Variants in ACKR3 observed in about 807,000 individuals in gnomAD.
The protein encoded by ACKR3 is atypical chemokine receptor 3.
ACKR3 carries 6 observed loss-of-function variants against 22.4 expected under a neutral mutation model. The observed-to-expected ratio is 0.27, with a 90% CI of 0.15 to 0.53. The LOEUF (loss-of-function observed/expected upper bound fraction) is 0.53. ACKR3 is among the 20% of genes least tolerant of loss of function. The pLI, the probability that ACKR3 is intolerant of heterozygous loss-of-function variation, is 0.96. For missense variants in ACKR3, 396 were observed against 475.2 expected, an observed-to-expected ratio of 0.83 and a Z score of 1.55; for synonymous variants, 209 against 205.2, an observed-to-expected ratio of 1.02 and a Z score of -0.16.
the ACKR3 span, among the ~76,000 whole-genome samples, chr2:236,540,520 A>G: frequency 2.0e-5 from 3 of 152,216 alleles, no homozygotes; most frequent in South Asian, 6.2e-4. Context: ...GATTAACTCA[A>G]ATTTGTCATT....
the ACKR3 span, among the ~76,000 whole-genome samples, chr2:236,553,170 T>C: frequency 6.7e-6 from 1 of 149,918 alleles, no homozygotes; most frequent in Admixed American, 6.6e-5. Context: ...GGGGGGAGGG[T>C]GGGAGAGCAG....
chr2:236,561,794 A>C, the ACKR3 span, among the ~76,000 whole-genome samples: 1 of 152,210 alleles, frequency 6.6e-6, no homozygotes, highest in Non-Finnish European at 1.5e-5. Context: ...ACCTGGCCGC[A>C]TGACTGACTT....
chr2:236,581,293 C>G lies in ACKR3; in HGVS notation c.828C>G (p.Ile276Met). The G allele has an allele frequency of 6.2e-7, 1 of 1,614,062 alleles. No individual in the cohort carries two copies. Residue 276 changes from isoleucine (I) to methionine (M), a missense_variant, in exon 2 of 2, where the codon ATC becomes ATG. Transcript: ENST00000272928. The surrounding 1 kb of genome is among the most constrained non-coding windows in gnomAD (Gnocchi z 4.4). ...LPYHVAVLLD[I>M]FSILHYIPFT... ...ACCACGTGGCGGTGCTGCTGGACAT[C>G]TTCTCCATCCTGCACTACATCCCTT...
the ACKR3 span, among the ~76,000 whole-genome samples, chr2:236,543,941 G>A: frequency 7.3e-4 from 42 of 57,804 alleles, no homozygotes; most frequent in East Asian, 0.01. Flanking sequence ...TGGGAGAAGG[G>A]TATATATATA....
At chr2:236,572,410 G>A (rs927681930) in intron 1 of ACKR3, among the ~76,000 whole-genome samples, 2 of 152,328 alleles carry the variant, frequency 1.3e-5, no homozygotes, top group African/African-American at 2.4e-5. Flanking sequence ...GACAGATAAC[G>A]AGCCCAGGGC....
chr2:236,580,847 C>T lies in ACKR3; in HGVS notation c.382C>T (p.Leu128Phe). 1.9e-6 allele frequency: 3 copies of T among 1,614,230 alleles called. No homozygotes were observed. Among genetic ancestry groups the T allele is most frequent in the Non-Finnish European group, 2.5e-6 (3 of 1,180,042 alleles). Residue 128 changes from leucine to phenylalanine, a missense_variant, in exon 2 of 2, where the codon CTC (leucine) becomes TTC (phenylalanine). Coordinates refer to ENST00000272928, the MANE Select transcript of ACKR3 (RefSeq NM_020311.3). ...KVTHLIFSIN[L>F]FGSIFFLTCM... Reference sequence around the variant, plus strand: ...CACACACCTCATCTTCTCCATCAACCTCTTCGGCAGCATTTTCTTCCTCAC... The same window carrying T: ...CACACACCTCATCTTCTCCATCAACTTCTTCGGCAGCATTTTCTTCCTCAC...
At chr2:236,547,884 C>T in the ACKR3 span, among the ~76,000 whole-genome samples, 2 of 151,436 alleles carry the variant, frequency 1.3e-5, no homozygotes, top group Non-Finnish European at 1.5e-5. Flanking sequence ...TCTTCCAATG[C>T]CTTCTGCCTG....
chr2:236,548,296 C>T, the ACKR3 span, among the ~76,000 whole-genome samples: 90 of 152,074 alleles, frequency 5.9e-4, no homozygotes, highest in Non-Finnish European at 7.4e-4. The surrounding 1 kb of genome is among the most constrained non-coding windows in gnomAD (Gnocchi z 4.3). Context: ...GTTGAGAATG[C>T]CTCTCCCAGA....
In ACKR3 at chr2:236,581,762, CAGAGCTGTGTCGCACAGCA is replaced by C; in HGVS notation, c.*209_*227del. On this transcript the variant is annotated 3_prime_UTR_variant, in exon 2 of 2. Coordinates refer to ENST00000272928, the MANE Select transcript of ACKR3 (RefSeq NM_020311.3). The surrounding 1 kb of genome is among the most constrained non-coding windows in gnomAD (Gnocchi z 4.4). ...TGCGTGCTGACAGTTTTGCAACAGG[CAGAGCTGTGTCGCACAGCA>C]GTGCTGTGCGTCAGAGCCAGCTGAG... is the stretch of plus-strand genomic sequence containing the variant. 1.6e-6 allele frequency: 1 copy of C among 625,072 alleles called. No homozygotes were observed. Among genetic ancestry groups the C allele is most frequent in the Non-Finnish European group, 2.7e-6 (1 of 368,990 alleles). The allele number at this position is 625,072 out of a possible 1,614,324, so 38.7% of individuals were successfully genotyped here.
upstream of ACKR3, among the ~76,000 whole-genome samples, chr2:236,565,412 G>A (rs1013011489): frequency 6.6e-6 from 1 of 152,174 alleles, no homozygotes; most frequent in Non-Finnish European, 1.5e-5. Flanking sequence ...AAATTCCTAT[G>A]TGAAAGATGC....
At chr2:236,558,310 T>C in the ACKR3 span, among the ~76,000 whole-genome samples, 1 of 152,064 alleles carries the variant, frequency 6.6e-6, no homozygotes, top group Non-Finnish European at 1.5e-5. Context: ...AAGGGGCGGG[T>C]CATTCAGAAA....
At chr2:236,537,396 T>A in the ACKR3 span, among the ~76,000 whole-genome samples, 1 of 152,188 alleles carries the variant, frequency 6.6e-6, no homozygotes, top group Non-Finnish European at 1.5e-5. Context: ...CAGGGCTCCA[T>A]GAATAGGCTT....
At chr2:236,552,132 C>G in the ACKR3 span, among the ~76,000 whole-genome samples, 1 of 152,298 alleles carries the variant, frequency 6.6e-6, no homozygotes, top group East Asian at 1.9e-4. Flanking sequence ...AAGGAAGACC[C>G]AGGGGATTTC....
chr2:236,552,221 G>C, the ACKR3 span, among the ~76,000 whole-genome samples: 1 of 152,214 alleles, frequency 6.6e-6, no homozygotes, highest in Non-Finnish European at 1.5e-5. Flanking sequence ...AAGGGAGGGA[G>C]ACCTTGCTGT....
At chr2:236,558,909 A>G in the ACKR3 span, among the ~76,000 whole-genome samples, 2 of 152,234 alleles carry the variant, frequency 1.3e-5, no homozygotes, top group Admixed American at 1.3e-4. Flanking sequence ...ATTGTAGTAG[A>G]TATATTGAGA....
chr2:236,540,221 G>T, the ACKR3 span, among the ~76,000 whole-genome samples: 343 of 152,252 alleles, frequency 2.3e-3, 2 homozygotes, highest in Middle Eastern at 0.014. Flanking sequence ...TTTAGTTATT[G>T]TAGTAATTGT....
chr2:236,557,524 G>A, the ACKR3 span, among the ~76,000 whole-genome samples: 2 of 152,190 alleles, frequency 1.3e-5, no homozygotes, highest in Non-Finnish European at 2.9e-5. Context: ...AAAGGACATA[G>A]AGGCTAGCCC....
chr2:236,568,003 C>CGCCCCGCCCCGCGGGGCACTGG (rs1190166440), upstream of ACKR3, among the ~76,000 whole-genome samples: 39 of 152,192 alleles, frequency 2.6e-4, no homozygotes, highest in Admixed American at 1.2e-3. Context: ...CGGGGCAGGG[C>CGCCCCGCCCCGCGGGGCACTGG]GCAGGCTGCT....
intron 1 of ACKR3, among the ~76,000 whole-genome samples, chr2:236,572,615 C>T (rs1371014670): frequency 2.0e-5 from 3 of 152,196 alleles, no homozygotes; most frequent in African/African-American, 4.8e-5. Context: ...GCCTGGCTGA[C>T]CTCCCACTGC....
Sources: gnomAD v4.1 joint callset for allele counts (sites outside exome capture counted in the v4.1 genomes callset) on GRCh38, gnomAD v4.1.1 for gene constraint, Gnocchi (gnomAD v3.1) non-coding constraint, MANE v1.5 for transcripts, NCBI Gene and HGNC (gene_info 2026-07-23, HGNC 2026-07-21) for gene names.